MTUS2: variants seen among roughly 807,000 people sequenced by gnomAD.
MTUS2 encodes the protein microtubule-associated tumor suppressor candidate 2.
In MTUS2, 40 loss-of-function variants were observed where a neutral mutation model predicts 114.1. That is an observed-to-expected ratio of 0.35 (90% confidence interval 0.27 to 0.46). MTUS2 has a LOEUF of 0.46. Among genes scored for constraint, MTUS2 ranks in the 20% least tolerant of loss-of-function variants. The pLI is 1.00. For synonymous variants in MTUS2, 688 were observed against 672.0 expected (o/e 1.02, Z -0.37); for missense variants, 1,679 against 1,705.4 (o/e 0.98, Z 0.27).
At chr13:29,329,780 A>AT (rs1163819239) in intron 7 of MTUS2, among the ~76,000 whole-genome samples, 1 of 151,598 alleles carries the variant, frequency 6.6e-6, no homozygotes, top group African/African-American at 2.4e-5. Context: ...CACCTGGCTA[A>AT]TTTTTTTATT....
At chr13:28,875,416 A>T (rs528826859) in intron 2 of MTUS2, among the ~76,000 whole-genome samples, 7 of 152,262 alleles carry the variant, frequency 4.6e-5, no homozygotes, top group African/African-American at 1.4e-4. Context: ...CCAAACTTAG[A>T]TAAAGTGGAT....
At chr13:29,217,698 A>T (rs931267581) in intron 5 of MTUS2, among the ~76,000 whole-genome samples, 3 of 152,232 alleles carry the variant, frequency 2.0e-5, no homozygotes, top group African/African-American at 7.2e-5. Context: ...TCTGTAACAC[A>T]TGATGCTGTT....
At chr13:28,823,853 C>T (rs192750124) in intron 1 of MTUS2, among the ~76,000 whole-genome samples, 38 of 152,210 alleles carry the variant, frequency 2.5e-4, no homozygotes, top group African/African-American at 7.9e-4. Context: ...GAAGCAAACA[C>T]GTCCTTCTTC....
At chr13:28,996,230 G>A (rs562047323) in intron 2 of MTUS2, among the ~76,000 whole-genome samples, 176 of 152,228 alleles carry the variant, frequency 1.2e-3, no homozygotes, top group African/African-American at 4.1e-3. Flanking sequence ...AACCAGCCTC[G>A]CATCCCAGGG....
At chr13:29,415,182 A>T (rs1383834203) in intron 8 of MTUS2, among the ~76,000 whole-genome samples, 1 of 151,980 alleles carries the variant, frequency 6.6e-6, no homozygotes, top group African/African-American at 2.4e-5. Flanking sequence ...TAACTCATGG[A>T]ACTTACTAGT....
intron 8 of MTUS2, among the ~76,000 whole-genome samples, chr13:29,370,286 T>G (rs892522717): frequency 6.6e-6 from 1 of 152,098 alleles, no homozygotes; most frequent in Non-Finnish European, 1.5e-5. Context: ...GTAACAGTAT[T>G]AGGAGGTAGG....
chr13:29,381,058 C>T (rs1872166580), intron 8 of MTUS2, among the ~76,000 whole-genome samples: 1 of 150,590 alleles, frequency 6.6e-6, no homozygotes, highest in African/African-American at 2.5e-5. Flanking sequence ...GATGCTGTAG[C>T]AAGGGAAGAA....
intron 2 of MTUS2, among the ~76,000 whole-genome samples, chr13:28,910,305 T>C (rs564202629): frequency 1.3e-5 from 2 of 152,340 alleles, no homozygotes; most frequent in East Asian, 1.9e-4. Flanking sequence ...GCCTAACTTA[T>C]TTCACTTAAC....
intron 5 of MTUS2, among the ~76,000 whole-genome samples, chr13:29,140,913 G>C (rs943871315): frequency 3.3e-5 from 5 of 152,098 alleles, no homozygotes; most frequent in Non-Finnish European, 5.9e-5. Context: ...CTAGATTACT[G>C]GTGTACCTGC....
At chr13:29,418,909 AGCAT>A (rs1875874602) in intron 8 of MTUS2, among the ~76,000 whole-genome samples, 1 of 152,222 alleles carries the variant, frequency 6.6e-6, no homozygotes, top group Admixed American at 6.5e-5. Context: ...AGACATGGCC[AGCAT>A]GTTCAGTTCA....
intron 11 of MTUS2, among the ~76,000 whole-genome samples, chr13:29,492,083 T>C (rs570190452): frequency 1.7e-4 from 25 of 148,996 alleles, no homozygotes; most frequent in Admixed American, 1.5e-3. Flanking sequence ...GCCATGTGTA[T>C]GTGAATGCGT....
At chr13:28,922,746 C>G (rs951785226) in intron 2 of MTUS2, among the ~76,000 whole-genome samples, 2 of 152,176 alleles carry the variant, frequency 1.3e-5, no homozygotes, top group Non-Finnish European at 2.9e-5. Flanking sequence ...TTTCCTACCC[C>G]CCTTCAGTGC....
At chr13:28,958,913 A>T (rs963168814) in intron 2 of MTUS2, among the ~76,000 whole-genome samples, 3 of 152,214 alleles carry the variant, frequency 2.0e-5, no homozygotes, top group Admixed American at 6.5e-5. Flanking sequence ...ACAAATTTTT[A>T]AAAAATTAGT....
chr13:28,987,959 ACT>A (rs1884663789), intron 2 of MTUS2, among the ~76,000 whole-genome samples: 1 of 152,094 alleles, frequency 6.6e-6, no homozygotes, highest in African/African-American at 2.4e-5. Flanking sequence ...ATCCTGCATT[ACT>A]CTCTGCCTTG....
intron 2 of MTUS2, among the ~76,000 whole-genome samples, chr13:28,964,712 G>T (rs1184153850): frequency 1.4e-5 from 1 of 71,610 alleles, no homozygotes; most frequent in African/African-American, 4.3e-5. Context: ...GTTTCAGTCT[G>T]TCTGAGCTTT....
At chr13:29,476,845 G>A (rs1486920062) in intron 9 of MTUS2, 1 of 152,190 alleles carries the variant, frequency 6.6e-6, no homozygotes, top group Non-Finnish European at 1.5e-5. Context: ...CCTTGCAGGT[G>A]AAAAATGATT....
intron 6 of MTUS2, among the ~76,000 whole-genome samples, chr13:29,314,886 C>T (rs1000104391): frequency 2.6e-5 from 4 of 152,134 alleles, no homozygotes; most frequent in Non-Finnish European, 5.9e-5. Flanking sequence ...GTGTTTATTG[C>T]AACACTATTC....
At chr13:29,221,230 G>C (rs1421578098) in intron 5 of MTUS2, among the ~76,000 whole-genome samples, 1 of 152,228 alleles carries the variant, frequency 6.6e-6, no homozygotes, top group African/African-American at 2.4e-5. Flanking sequence ...GAGAACCACA[G>C]ATTGTGAAAG....
intron 5 of MTUS2, among the ~76,000 whole-genome samples, chr13:29,179,169 A>T (rs895066397): frequency 2.6e-5 from 4 of 152,256 alleles, no homozygotes; most frequent in Non-Finnish European, 5.9e-5. Flanking sequence ...TGGCCGATCC[A>T]TGAAGAGACA....
Sources: allele counts gnomAD v4.1 joint callset (sites outside exome capture counted in the v4.1 genomes callset), GRCh38; gene constraint gnomAD v4.1.1; transcripts MANE v1.5; gene names NCBI Gene and HGNC (gene_info 2026-07-23, HGNC 2026-07-21).